Variants in KRT2 observed in about 807,000 individuals in gnomAD.
KRT2 encodes the protein keratin 2, also known as keratin, type II cytoskeletal 2 epidermal.
KRT2 carries 37 observed loss-of-function variants against 48.5 expected under a neutral mutation model. The observed-to-expected ratio is 0.76, with a 90% confidence interval of 0.59 to 1.00. KRT2 has a LOEUF of 1.00. KRT2 is among the 50% of genes least tolerant of loss of function. The pLI is 0.00. For missense variants in KRT2, 880 were observed against 815.2 expected, an observed-to-expected ratio of 1.08 and a Z score of -0.97; for synonymous variants, 324 against 312.2, an observed-to-expected ratio of 1.04 and a Z score of -0.40.
At chr12:52,649,217 C>G in intron 3 of KRT2, 115 bp from the exon 4 acceptor site, 2 of 740,850 alleles carry the variant, frequency 2.7e-6, no homozygotes, top group Admixed American at 1.9e-5. Context: ...CCAGGCTCCC[C>G]AACCTGATCC....
Position 52,651,749 on chromosome 12 carries a change from C to A in KRT2, c.394G>T (p.Val132Phe). ...CCACCAGGACCCCCTAAACCTCCAACACCACCAGGGCCCCCAAAACCTCCA... is the reference window on the plus strand; with the variant it reads ...CCACCAGGACCCCCTAAACCTCCAAAACCACCAGGGCCCCCAAAACCTCCA... The part of the protein sequence containing the change: ...RFGGFGGPGG[V>F]GGLGGPGGFG... The change falls in exon 1 of 9, where the codon GTT (valine) becomes TTT (phenylalanine). Residue 132 changes from valine (V) to phenylalanine (F), a missense_variant. By Grantham distance (50) the Val-to-Phe change is conservative (BLOSUM62 -1). Transcript: ENST00000309680. The A allele has an allele frequency of 6.2e-7, 1 of 1,614,000 alleles. No individual in the cohort carries two copies. The highest frequency in any genetic ancestry group is 8.5e-7 in the Non-Finnish European group (1 of 1,179,962).
Position 52,649,079 on chromosome 12 carries a change from T to C in KRT2, c.885A>G (p.Ile295Met). The change falls in exon 4 of 9, where the codon ATA (isoleucine) becomes ATG (methionine). Residue 295 changes from isoleucine (I) to methionine (M), a missense_variant. Transcript: ENST00000309680. ...CCACCTTGGACTGCAACTCCACCTT[T>C]ATCATGTAGGCATTGTCCACGTCCT... Reference protein sequence around the residue: ...LKKDVDNAYMIKVELQSKVDL... With the variant: ...LKKDVDNAYMMKVELQSKVDL... 1 of 1,612,728 alleles carries C rather than the reference T, an allele frequency of 6.2e-7. No homozygotes were observed. The highest frequency in any genetic ancestry group is 1.7e-5 in the Admixed American group (1 of 60,010).
Position 52,650,392 on chromosome 12 carries a change from T to C in KRT2, c.747A>G (p.Ser249=). ...YLDGLTAERT[S]QNSELNNMQD... ...GCATGTTATTCAGCTCTGAATTCTGTGATGTTCTTTCTGCAGTGAGCCCAT... is the reference window on the plus strand; with the variant it reads ...GCATGTTATTCAGCTCTGAATTCTGCGATGTTCTTTCTGCAGTGAGCCCAT... The change falls in exon 2 of 9, where the codon TCA becomes TCG. Residue 249 remains serine, a synonymous_variant. Coordinates refer to ENST00000309680, the MANE Select transcript of KRT2 (RefSeq NM_000423.3). The C allele has an allele frequency of 6.2e-7, 1 of 1,614,224 alleles. No individual in the cohort carries two copies. The highest frequency in any genetic ancestry group is 8.5e-7 in the Non-Finnish European group (1 of 1,180,034).
Position 52,645,006 on chromosome 12 carries a change from T to C in KRT2, c.*13A>G, listed in dbSNP as rs200686080. 4 of 1,613,934 alleles carry C rather than the reference T, an allele frequency of 2.5e-6. No homozygotes were observed. The African/African-American group carries it at 5.3e-5, about 22-fold the overall frequency. On this transcript the variant is annotated 3_prime_UTR_variant, in exon 9 of 9. Transcript: ENST00000309680. ...TCTGGGTTGGGAGAGTCGGTGGTGG[T>C]GGGGGCTCATCTTTATCTAAAAGAG...
chr12:52,652,160 A>T lies in KRT2; in HGVS notation c.-18T>A. 6.6e-7 allele frequency: 1 copy of T among 1,518,964 alleles called. No individual in the cohort carries two copies. Among genetic ancestry groups the T allele is most frequent in the Non-Finnish European group, 8.9e-7 (1 of 1,129,818 alleles). 94.1% of individuals were successfully genotyped at this position (1,518,964 alleles called of 1,614,324 possible). A position where few individuals can be genotyped will look rare whatever the true frequency, so the allele number is the denominator to read the frequency against. On this transcript the variant is annotated 5_prime_UTR_variant, in exon 1 of 9. Transcript: ENST00000309680. Reference sequence around the variant, plus strand: ...CAACTCATGATGCCTTTGTCCAGGGAGGAAAGTCACAGGCTCTTGAGAAGA... The same window carrying T: ...CAACTCATGATGCCTTTGTCCAGGGTGGAAAGTCACAGGCTCTTGAGAAGA...
At chr12:52,651,408 G>A (rs749346200) in intron 1 of KRT2, 150 bp downstream of exon 1, 14 of 709,594 alleles carry the variant, frequency 2.0e-5, no homozygotes, top group Middle Eastern at 3.6e-4. Context: ...CAAAGCTGGC[G>A]TCTTTTCCAT....
intron 5 of KRT2, 24 bp from the exon 6 acceptor site, chr12:52,647,879 T>G: frequency 6.2e-7 from 1 of 1,613,966 alleles, no homozygotes; most frequent in Non-Finnish European, 8.5e-7. Context: ...AAGAGGACAG[T>G]TTGCAAGGAA....
At position 52,645,400 on chromosome 12, in the gene KRT2, T is replaced by A. The variant is rs1451110045; in HGVS notation, c.1539A>T (p.Ala513=). 1 of 1,614,196 alleles carries A rather than the reference T, an allele frequency of 6.2e-7. No individual in the cohort carries two copies. Among genetic ancestry groups the A allele is most frequent in the South Asian group, 1.1e-5 (1 of 91,080 alleles). Residue 513 remains alanine, a synonymous_variant, in exon 9 of 9, where the codon GCA becomes GCT. Transcript: ENST00000309680. ...VTSSTISSNV[A]SKAAFGGSGG... ...CAGAACCTCCAAAGGCAGCCTTGGATGCCACATTTGATGAAATGGTGCTGC... is the reference window on the plus strand; with the variant it reads ...CAGAACCTCCAAAGGCAGCCTTGGAAGCCACATTTGATGAAATGGTGCTGC...
intron 2 of KRT2, 115 bp downstream of exon 2, chr12:52,650,224 T>C: frequency 1.1e-6 from 1 of 917,080 alleles, no homozygotes; most frequent in Non-Finnish European, 1.8e-6. Flanking sequence ...AAGATACATA[T>C]GCCTCTCCCC....
intron 1 of KRT2, 148 bp downstream of exon 1, chr12:52,651,410 C>A (rs73304692): frequency 1.4e-6 from 1 of 715,010 alleles, no homozygotes; most frequent in African/African-American, 1.7e-5. Flanking sequence ...AAGCTGGCGT[C>A]TTTTCCATCT....
Position 52,647,786 on chromosome 12 carries a change from C to T in KRT2, c.1192G>A (p.Glu398Lys), listed in dbSNP as rs532824132. 1.1e-5 allele frequency: 18 copies of T among 1,613,916 alleles called. No homozygotes were observed. The highest frequency in any genetic ancestry group is 1.3e-5 in the Non-Finnish European group (15 of 1,179,980). ...AGCCTCTGGATCACGCGGTTCAGCT[C>T]GCTGATCTCTATCTTGATCTCTTTC... Reference protein sequence around the residue: ...SLKEIKIEISELNRVIQRLQG... With the variant: ...SLKEIKIEISKLNRVIQRLQG... Residue 398 changes from glutamate (E) to lysine (K), a missense_variant, in exon 6 of 9, where the codon GAG (glutamate) becomes AAG (lysine). Glu to Lys is a moderately conservative substitution (Grantham distance 56). Transcript: ENST00000309680.
At chr12:52,651,381 A>T (rs1941244858) in intron 1 of KRT2, among the ~76,000 whole-genome samples, 177 bp downstream of exon 1, 1 of 152,210 alleles carries the variant, frequency 6.6e-6, no homozygotes, top group Non-Finnish European at 1.5e-5. Context: ...GCAGGCTGTT[A>T]TGGGAAATGT....
chr12:52,645,388 G>A lies in KRT2; in HGVS notation c.1551C>T (p.Ala517=), dbSNP rs760544964. The A allele has an allele frequency of 1.6e-5, 26 of 1,614,172 alleles. No homozygotes were observed. The highest frequency in any genetic ancestry group is 1.6e-5 in the Non-Finnish European group (19 of 1,180,038). ...ACCCTCTACCTCCAGAACCTCCAAA[G>A]GCAGCCTTGGATGCCACATTTGATG... ...TISSNVASKA[A]FGGSGGRGSS... is the part of the protein sequence containing the mutation. The change falls in exon 9 of 9, where the codon GCC becomes GCT. Residue 517 remains alanine (A), a synonymous_variant. Transcript: ENST00000309680.
chr12:52,650,285 C>T, intron 2 of KRT2, 54 bp downstream of exon 2: 1 of 1,478,782 alleles, frequency 6.8e-7, no homozygotes, highest in South Asian at 1.1e-5. Context: ...AGGGAGTGAT[C>T]AAATGGCTCA....
chr12:52,647,776 C>A lies in KRT2; in HGVS notation c.1202G>T (p.Arg401Leu), dbSNP rs749465675. 3 of 1,614,004 alleles carry A rather than the reference C, an allele frequency of 1.9e-6. No individual in the cohort carries two copies. Among genetic ancestry groups the A allele is most frequent in the South Asian group, 2.2e-5 (2 of 91,002 alleles). Residue 401 changes from arginine to leucine, a missense_variant, in exon 6 of 9, where the codon CGC becomes CTC. By Grantham distance (102) the Arg-to-Leu change is moderately radical (BLOSUM62 -2). Coordinates refer to ENST00000309680, the MANE Select transcript of KRT2 (RefSeq NM_000423.3). ...CTCCCCCTGCAGCCTCTGGATCACG[C>A]GGTTCAGCTCGCTGATCTCTATCTT... ...EIKIEISELN[R>L]VIQRLQGEIA... is the part of the protein sequence containing the mutation.
chr12:52,645,709 T>C (rs1941154010), intron 7 of KRT2, 140 bp from the exon 8 acceptor site: 1 of 795,838 alleles, frequency 1.3e-6, no homozygotes. Context: ...CTTTCTTCTA[T>C]GCTGCCAGGT....
intron 3 of KRT2, 117 bp from the exon 4 acceptor site, chr12:52,649,219 A>C: frequency 1.4e-6 from 1 of 737,938 alleles, no homozygotes; most frequent in Non-Finnish European, 2.5e-6. Context: ...AGGCTCCCCA[A>C]CCTGATCCCT....
intron 5 of KRT2, 136 bp from the exon 6 acceptor site, chr12:52,647,991 G>A: frequency 7.8e-7 from 1 of 1,288,422 alleles, no homozygotes; most frequent in Non-Finnish European, 1.1e-6. Context: ...GCATTCATGA[G>A]AGGTAGGGAC....
chr12:52,646,892 C>A lies in KRT2; in HGVS notation c.1317G>T (p.Arg439Ser), dbSNP rs145809795. Residue 439 changes from arginine (R) to serine (S), a missense_variant, in exon 7 of 9, where the codon AGG (arginine) becomes AGT (serine). Physicochemically the swap from Arg to Ser is moderately radical, Grantham distance 110. Transcript: ENST00000309680. ...QRGEHALKDA[R>S]NKLNDLEEAL... ...CCTCCTCCAGGTCATTCAACTTGTT[C>A]CTGGCATCCTTGAGGGCATGCTCCC... 6.2e-7 allele frequency: 1 copy of A among 1,614,104 alleles called. No homozygotes were observed. The highest frequency in any genetic ancestry group is 1.7e-5 in the Admixed American group (1 of 60,012).
Sources: gnomAD v4.1 joint callset for allele counts (sites outside exome capture counted in the v4.1 genomes callset) on GRCh38, gnomAD v4.1.1 for gene constraint, MANE v1.5 for transcripts, NCBI Gene and HGNC (gene_info 2026-07-23, HGNC 2026-07-21) for gene names.